The following MSH3 variants were observed in gnomAD, a reference collection of about 807,000 sequenced individuals.
The protein encoded by MSH3 is mutS homolog 3, also known as DNA mismatch repair protein Msh3.
Under a neutral mutation model 123.3 loss-of-function variants are expected in MSH3, and 106 were observed. The observed-to-expected ratio is 0.86, with a 90% CI of 0.73 to 1.01. The LOEUF is 1.01. MSH3 is among the 50% of genes least tolerant of loss of function. MSH3 has a pLI of 0.00. For missense variants in MSH3, 1,459 were observed against 1,347.6 expected (o/e 1.08, Z -1.29); for synonymous variants, 515 against 481.4 (o/e 1.07, Z -0.91).
chr5:80,763,399 A>G (rs777219596), intron 13 of MSH3, among the ~76,000 whole-genome samples: 5 of 152,176 alleles, frequency 3.3e-5, no homozygotes, highest in Non-Finnish European at 5.9e-5. Flanking sequence ...AGCCTATTGC[A>G]TCATTATTGG....
chr5:80,744,712 C>T, intron 12 of MSH3, 97 bp downstream of exon 12: 1 of 870,108 alleles, frequency 1.1e-6, no homozygotes, highest in Admixed American at 2.0e-5. Flanking sequence ...TTTAAGAACA[C>T]AGTTTTAAAT....
chr5:80,692,011 ATATGTTTAGATAGATAAACAG>A (rs556330137), intron 8 of MSH3, among the ~76,000 whole-genome samples: 4,973 of 96,300 alleles, frequency 0.052, 781 homozygotes, highest in Non-Finnish European at 0.058. Flanking sequence ...ATAAACATGT[ATATGTTTAGATAGATAAACAG>A]TATGTTTAGA....
At chr5:80,851,489 C>T (rs1745829059) in intron 20 of MSH3, among the ~76,000 whole-genome samples, 1 of 151,954 alleles carries the variant, frequency 6.6e-6, no homozygotes, top group Admixed American at 6.6e-5. Context: ...TGTTCTTTGC[C>T]TGTTTTTCTG....
chr5:80,758,685 T>G (rs1260834814), intron 12 of MSH3, among the ~76,000 whole-genome samples: 1 of 152,228 alleles, frequency 6.6e-6, no homozygotes, highest in African/African-American at 2.4e-5. Flanking sequence ...CCAAACCAAC[T>G]TGGCCTAACC....
intron 18 of MSH3, among the ~76,000 whole-genome samples, chr5:80,791,268 T>C (rs1467018438): frequency 3.3e-5 from 5 of 152,284 alleles, no homozygotes; most frequent in Admixed American, 6.5e-5. Context: ...AATGAAAATA[T>C]TTTGCAATTA....
chr5:80,761,354 C>T (rs6151796), intron 12 of MSH3, among the ~76,000 whole-genome samples, 192 bp from the exon 13 acceptor site: 274 of 152,256 alleles, frequency 1.8e-3, no homozygotes, highest in African/African-American at 6.3e-3. Context: ...CCCCAGTGCA[C>T]CCTCCTCTCA....
At chr5:80,702,011 A>G (rs1750620563) in intron 8 of MSH3, among the ~76,000 whole-genome samples, 1 of 152,052 alleles carries the variant, frequency 6.6e-6, no homozygotes, top group Non-Finnish European at 1.5e-5. Flanking sequence ...TGAAAAAACA[A>G]CAGAAACAAA....
chr5:80,767,576 T>C (rs1197323701), intron 13 of MSH3, among the ~76,000 whole-genome samples: 2 of 152,178 alleles, frequency 1.3e-5, no homozygotes, highest in Admixed American at 6.5e-5. Flanking sequence ...TGTAAGAGCC[T>C]ATTATGTTTG....
chr5:80,744,090 G>A (rs1743670224), intron 11 of MSH3, among the ~76,000 whole-genome samples: 1 of 152,140 alleles, frequency 6.6e-6, no homozygotes, highest in Admixed American at 6.5e-5. Flanking sequence ...TGCAGTGCAA[G>A]TTCATGTCTA....
chr5:80,720,775 T>C lies in MSH3; in HGVS notation c.1341-4678T>C, dbSNP rs966521176. ...GAGTTGGGTCCTTTTCTATTACTCA[T>C]TTTTATGCAAATTCATTTTCCCAAA... On this transcript the variant is annotated intron_variant, in intron 8 of 23. Coordinates refer to ENST00000265081, the MANE Select transcript of MSH3 (RefSeq NM_002439.5). Among the ~76,000 whole-genome samples, 91 of 152,314 alleles carry C rather than the reference T, an allele frequency of 6.0e-4. 1 individual carries two copies. The highest frequency in any genetic ancestry group is 2.2e-3 in the African/African-American group (91 of 41,574).
chr5:80,713,681 A>C (rs1750901066), intron 8 of MSH3, among the ~76,000 whole-genome samples: 1 of 152,222 alleles, frequency 6.6e-6, no homozygotes, highest in African/African-American at 2.4e-5. Flanking sequence ...GTCCACCTCT[A>C]ATAAAGCAGG....
chr5:80,672,451 A>C, intron 5 of MSH3, 91 bp downstream of exon 5: 2 of 954,284 alleles, frequency 2.1e-6, no homozygotes, highest in Non-Finnish European at 3.4e-6. Context: ...GGTAGGCTTC[A>C]ATTGGTTTAG....
At chr5:80,713,834 C>T (rs2112846943) in intron 8 of MSH3, among the ~76,000 whole-genome samples, 1 of 152,220 alleles carries the variant, frequency 6.6e-6, no homozygotes, top group East Asian at 1.9e-4. Flanking sequence ...CCCCAGGAAA[C>T]CTGTTGAAAA....
intron 19 of MSH3, among the ~76,000 whole-genome samples, chr5:80,798,995 T>C (rs1744746024): frequency 6.6e-6 from 1 of 152,254 alleles, no homozygotes; most frequent in African/African-American, 2.4e-5. Flanking sequence ...TACACAAGTG[T>C]AGTGGGAAAG....
At chr5:80,735,309 A>G (rs1743484297) in intron 10 of MSH3, among the ~76,000 whole-genome samples, 1 of 146,050 alleles carries the variant, frequency 6.8e-6, no homozygotes, top group Admixed American at 6.9e-5. Context: ...GCATGAACCT[A>G]GGAGGCGGAG....
chr5:80,706,602 A>C (rs1001663175), intron 8 of MSH3, among the ~76,000 whole-genome samples: 1 of 152,234 alleles, frequency 6.6e-6, no homozygotes, highest in Non-Finnish European at 1.5e-5. Flanking sequence ...CATATATTAA[A>C]TATATAATGG....
In MSH3 at chr5:80,665,107, A is replaced by G. The variant is rs762161316; in HGVS notation, c.359-36A>G. 3 of 1,549,004 alleles carry G rather than the reference A, an allele frequency of 1.9e-6. No homozygotes were observed. The highest frequency in any genetic ancestry group is 2.2e-5 in the East Asian group (1 of 44,490). ...GAATTGACATAATGAGACCAAAATT[A>G]CTATTGTTCTGTTTTCTTCTTATTT... On this transcript the variant is annotated intron_variant, in intron 2 of 23. Coordinates refer to ENST00000265081, the MANE Select transcript of MSH3 (RefSeq NM_002439.5).
At chr5:80,678,610 TC>T (rs1476318838) in intron 7 of MSH3, among the ~76,000 whole-genome samples, 1 of 152,198 alleles carries the variant, frequency 6.6e-6, no homozygotes, top group Non-Finnish European at 1.5e-5. Flanking sequence ...CTGGTTTGGT[TC>T]CATTTACAGA....
chr5:80,876,639 A>G lies in MSH3; in HGVS notation c.*777A>G, dbSNP rs1317732647. ...GCAAGACTCCATCTCAAAAAAAAAA[A>G]AAGAAAAAAGAAAAGAAATAGAATT... On this transcript the variant is annotated 3_prime_UTR_variant, in exon 24 of 24. Coordinates refer to ENST00000265081, the MANE Select transcript of MSH3 (RefSeq NM_002439.5). 3.3e-5 allele frequency among the ~76,000 whole-genome samples: 5 copies of G among 151,896 alleles called. No individual in the cohort carries two copies. The highest frequency in any genetic ancestry group is 7.4e-5 in the Non-Finnish European group (5 of 67,968).
Sources: gnomAD v4.1 joint callset for allele counts (sites outside exome capture counted in the v4.1 genomes callset) on GRCh38, gnomAD v4.1.1 for gene constraint, MANE v1.5 for transcripts, NCBI Gene and HGNC (gene_info 2026-07-23, HGNC 2026-07-21) for gene names.